Variants in GUK1 observed in about 807,000 individuals in gnomAD.
GUK1 encodes the protein guanylate kinase 1.
Under a neutral mutation model 25.2 loss-of-function variants are expected in GUK1, and 18 were observed. That is an observed-to-expected ratio of 0.71 (90% CI 0.49 to 1.06). The LOEUF is 1.06. Ranked by LOEUF, GUK1 falls within the 50% of genes least tolerant of loss-of-function variation. The probability of loss-of-function intolerance (pLI) is 0.00; values close to 1 mark genes in which losing one functional copy is unlikely to be tolerated. For missense variants in GUK1, 261 were observed against 276.7 expected (o/e 0.94, Z 0.40); for synonymous variants, 105 against 117.6 (o/e 0.89, Z 0.69).
intron 2 of GUK1, chr1:228,141,587 C>T (rs1016877380): frequency 1.9e-6 from 2 of 1,034,782 alleles, no homozygotes; most frequent in Admixed American, 5.5e-5. Context: ...AGCATCTCCT[C>T]GAACAGTGGG....
intron 5 of GUK1, 102 bp from the exon 5 acceptor site, chr1:228,147,304 G>A: frequency 8.8e-7 from 1 of 1,142,310 alleles, no homozygotes; most frequent in Non-Finnish European, 1.2e-6. Context: ...AGGCTCAGCT[G>A]TGGGAGGAGA....
chr1:228,143,854 T>G (rs2034203132), intron 2 of GUK1, among the ~76,000 whole-genome samples: 1 of 152,054 alleles, frequency 6.6e-6, no homozygotes, highest in Non-Finnish European at 1.5e-5. Flanking sequence ...GATGTGTGCT[T>G]GTGACAAAAA....
intron 2 of GUK1, among the ~76,000 whole-genome samples, chr1:228,143,775 C>T (rs1050052427): frequency 1.3e-5 from 2 of 152,216 alleles, no homozygotes; most frequent in African/African-American, 2.4e-5. Context: ...GAGGCCCGAG[C>T]TAAGCGCAGG....
chr1:228,147,830 TCAACTACCTCC>T (rs2034473897), intron 7 of GUK1, 131 bp downstream of exon 6: 1 of 702,170 alleles, frequency 1.4e-6, no homozygotes, highest in Non-Finnish European at 2.4e-6. Flanking sequence ...CTCAGACCTC[TCAACTACCTCC>T]CAACACCTAG....
intron 4 of GUK1, 195 bp downstream of exon 3, chr1:228,146,262 A>C: frequency 1.7e-6 from 1 of 585,764 alleles, no homozygotes; most frequent in Non-Finnish European, 3.1e-6. Flanking sequence ...TTCCTTGGGT[A>C]CAGTGTGAGA....
At chr1:228,140,236 G>C (rs530963162), upstream of GUK1, 1 of 1,337,028 alleles carries the variant, frequency 7.5e-7, no homozygotes, top group Middle Eastern at 1.8e-4. Context: ...TCAGTCTCGC[G>C]CGCGGGCGGA....
At chr1:228,141,527 CCAGGCGGGGG>C (rs2034048744) in intron 2 of GUK1, 2 of 614,760 alleles carry the variant, frequency 3.3e-6, no homozygotes, top group Non-Finnish European at 4.3e-6. Context: ...TTACGAGAGG[CCAGGCGGGGG>C]CTGAATTCTC....
chr1:228,148,930 A>G lies in GUK1; in HGVS notation c.*233A>G. On this transcript the variant is annotated 3_prime_UTR_variant, in exon 9 of 9. Coordinates refer to ENST00000312726, the MANE Select transcript of GUK1 (RefSeq NM_000858.7). ...CCCAGGGCTGACATCCTAATAAAAT[A>G]ACTGTTGGATTAGAAACTCCATAAA... 1 of 1,133,778 alleles carries G rather than the reference A, an allele frequency of 8.8e-7. No homozygotes were observed. The highest frequency in any genetic ancestry group is 1.6e-5 in the South Asian group (1 of 62,796). 70.2% of individuals were successfully genotyped at this position (1,133,778 alleles called of 1,614,324 possible).
In GUK1 at chr1:228,143,380, C is replaced by T. The variant is rs114441493; in HGVS notation, c.-3+2092C>T. 4.9e-3 allele frequency among the ~76,000 whole-genome samples: 750 copies of T among 152,310 alleles called. 3 individuals are homozygous for T. The highest frequency in any genetic ancestry group is 0.01 in the South Asian group (49 of 4,830). Reference sequence around the variant, plus strand: ...AGTAGCTCTCCCATATCGGGTCCTTCGAAGCACATGATTTAGCTTTACTTT... The same window carrying T: ...AGTAGCTCTCCCATATCGGGTCCTTTGAAGCACATGATTTAGCTTTACTTT... On this transcript the variant is annotated intron_variant, in intron 2 of 8. Transcript: ENST00000312726.
rs199710311 is a variant in GUK1, at chr1:228,146,000, C to T, written c.113-26C>T. ...GGGGCATTGGGCTCCGAGCAGCCCC[C>T]GATGGGTGACAGGTCTCTCTGCTAG... On this transcript the variant is annotated intron_variant, in intron 3 of 8. Transcript: ENST00000312726. The T allele has an allele frequency of 4.6e-4, 728 of 1,593,378 alleles. 1 individual carries two copies. The African/African-American group carries it at 7.4e-3, about 16-fold the overall frequency.
At chr1:228,141,046 A>G in intron 1 of GUK1, 2 of 626,972 alleles carry the variant, frequency 3.2e-6, no homozygotes, top group Non-Finnish European at 2.0e-6. Context: ...TCGTCTTTGC[A>G]TGAAAGAGGT....
chr1:228,145,415 G>A, intron 2 of GUK1, 96 bp from the exon 2 acceptor site: 4 of 1,288,388 alleles, frequency 3.1e-6, no homozygotes. Context: ...CCCTGGGTCA[G>A]CCCTTTCCTG....
chr1:228,142,366 G>C (rs1011404131), intron 2 of GUK1, among the ~76,000 whole-genome samples: 5 of 152,238 alleles, frequency 3.3e-5, no homozygotes, highest in Non-Finnish European at 7.3e-5. Context: ...GCGAGAGTGG[G>C]CACAGCTGCG....
At chr1:228,148,195 A>T in intron 7 of GUK1, 176 bp from the exon 7 acceptor site, 1 of 691,368 alleles carries the variant, frequency 1.4e-6, no homozygotes, top group South Asian at 1.5e-5. Flanking sequence ...GTGCCTGAGG[A>T]CTGAGGCCCA....
chr1:228,147,281 C>A, intron 5 of GUK1, 125 bp from the exon 5 acceptor site: 1 of 923,378 alleles, frequency 1.1e-6, no homozygotes, highest in Non-Finnish European at 1.6e-6. Context: ...GGTGCTGGGT[C>A]CAGGCCAGGC....
intron 4 of GUK1, 173 bp from the exon 4 acceptor site, chr1:228,146,669 G>A (rs1022950492): frequency 1.1e-5 from 7 of 618,252 alleles, no homozygotes; most frequent in African/African-American, 1.1e-4. Flanking sequence ...TCTGGCTCAG[G>A]CACTTGGCAG....
intron 2 of GUK1, chr1:228,141,592 A>G (rs748647743): frequency 2.9e-6 from 3 of 1,051,098 alleles, no homozygotes; most frequent in South Asian, 4.4e-5. Flanking sequence ...CTCCTCGAAC[A>G]GTGGGCCGGG....
Position 228,148,371 on chromosome 1 carries a change from G to A in GUK1, c.476G>A (p.Ser159Asn), listed in dbSNP as rs751425566. The A allele has an allele frequency of 2.6e-6, 4 of 1,557,150 alleles. No individual in the cohort carries two copies. Among genetic ancestry groups the A allele is most frequent in the Admixed American group, 1.9e-5 (1 of 53,876 alleles). The change falls in exon 8 of 9, where the codon AGC becomes AAC. Residue 159 changes from serine (S) to asparagine (N), a missense_variant and splice_region_variant. Ser to Asn is a conservative substitution (Grantham distance 46). Coordinates refer to ENST00000312726, the MANE Select transcript of GUK1 (RefSeq NM_000858.7). ...CCCTGACCCCAGGCCCCACCCACAG[G>A]CAAGGAGCCCGGCCTGTTTGATGTG...
At chr1:228,141,415 C>T in intron 2 of GUK1, 1 of 361,740 alleles carries the variant, frequency 2.8e-6, no homozygotes. Flanking sequence ...CGGATGTGTG[C>T]CCAGAAACCC....
Sources: allele counts gnomAD v4.1 joint callset (sites outside exome capture counted in the v4.1 genomes callset), GRCh38; gene constraint gnomAD v4.1.1; transcripts MANE v1.5; gene names NCBI Gene and HGNC (gene_info 2026-07-23, HGNC 2026-07-21).